Variants in HDAC9 observed in about 807,000 individuals in gnomAD.
The protein encoded by HDAC9 is MEF-2 interacting transcription repressor (MITR) protein.
HDAC9 carries 41 observed loss-of-function variants against 139.4 expected under a neutral mutation model. That is an observed-to-expected ratio of 0.29 (90% confidence interval 0.23 to 0.38). The LOEUF is 0.38. Ranked by LOEUF, HDAC9 falls within the 10% of genes least tolerant of loss-of-function variation. HDAC9 has a pLI of 1.00. For missense variants in HDAC9, 1,147 were observed against 1,297.0 expected, an observed-to-expected ratio of 0.88 and a Z score of 1.78; for synonymous variants, 517 against 476.2, an observed-to-expected ratio of 1.09 and a Z score of -1.12.
chr7:18,377,685 T>G (rs779991061), intron 1 of HDAC9, among the ~76,000 whole-genome samples: 4 of 152,172 alleles, frequency 2.6e-5, no homozygotes, highest in African/African-American at 7.2e-5. Context: ...ATTCTTTCAG[T>G]AAATTGGGTG....
intron 2 of HDAC9, among the ~76,000 whole-genome samples, chr7:18,578,604 T>C (rs1163245281): frequency 1.3e-5 from 2 of 152,190 alleles, no homozygotes; most frequent in South Asian, 2.1e-4. Flanking sequence ...TCTGGCTTTT[T>C]TGGGGACATT....
chr7:18,750,812 C>T (rs771401109), intron 14 of HDAC9, among the ~76,000 whole-genome samples: 9 of 152,162 alleles, frequency 5.9e-5, no homozygotes, highest in Non-Finnish European at 1.2e-4. Flanking sequence ...TGTGAACATT[C>T]CTGTCTCACC....
chr7:18,773,706 A>G (rs1185947655), intron 16 of HDAC9, among the ~76,000 whole-genome samples: 1 of 150,198 alleles, frequency 6.7e-6, no homozygotes, highest in Non-Finnish European at 1.5e-5. Context: ...GACAAAGGAA[A>G]TGGTACTACC....
intron 6 of HDAC9, among the ~76,000 whole-genome samples, chr7:18,599,344 CTG>C (rs1267918007): frequency 1.3e-5 from 2 of 152,146 alleles, no homozygotes; most frequent in Non-Finnish European, 2.9e-5. Flanking sequence ...AAGGTTTACT[CTG>C]TGTTGTAAGA....
At chr7:18,885,864 A>T (rs1800107378) in intron 22 of HDAC9, among the ~76,000 whole-genome samples, 1 of 152,220 alleles carries the variant, frequency 6.6e-6, no homozygotes, top group African/African-American at 2.4e-5. Context: ...ATTTTTCACA[A>T]GAACGAATCA....
chr7:18,584,796 C>T (rs1031186186), intron 2 of HDAC9, among the ~76,000 whole-genome samples: 6 of 152,174 alleles, frequency 3.9e-5, no homozygotes, highest in African/African-American at 7.2e-5. Flanking sequence ...GCTGCAAATA[C>T]GTTATATTAC....
rs578118831 is a variant in HDAC9 at position 18,974,443 on chromosome 7, T to G, written c.3023-1363T>G. 5.3e-5 allele frequency among the ~76,000 whole-genome samples: 8 copies of G among 152,346 alleles called. No individual in the cohort carries two copies. In the East Asian group the frequency reaches 1.5e-3, roughly 29 times the overall value. On this transcript the variant is annotated intron_variant, in intron 24 of 25. Transcript: ENST00000686413. ...TAACAGGGCTGTCTCAACTGGACCA[T>G]GCATTTCTTGGTGTTAGGGAAGCAT... is the stretch of plus-strand genomic sequence containing the variant.
chr7:18,636,343 C>G (rs1275212964), intron 8 of HDAC9, among the ~76,000 whole-genome samples: 2 of 152,088 alleles, frequency 1.3e-5, no homozygotes, highest in Non-Finnish European at 2.9e-5. Context: ...GGCAGATCCT[C>G]TCTCTCAGAT....
chr7:18,412,374 T>C (rs1788650921), intron 1 of HDAC9, among the ~76,000 whole-genome samples: 2 of 152,198 alleles, frequency 1.3e-5, no homozygotes, highest in Non-Finnish European at 2.9e-5. Flanking sequence ...TACGATGGAA[T>C]GTATCAATCA....
chr7:18,485,529 A>G (rs1451532833), intron 1 of HDAC9, among the ~76,000 whole-genome samples: 3 of 151,270 alleles, frequency 2.0e-5, no homozygotes, highest in Non-Finnish European at 4.4e-5. Flanking sequence ...TGATGTTTAT[A>G]GCTGATGTTA....
intron 24 of HDAC9, among the ~76,000 whole-genome samples, chr7:18,967,668 GCA>G (rs1224981250): frequency 6.6e-6 from 1 of 152,022 alleles, no homozygotes; most frequent in Non-Finnish European, 1.5e-5. Flanking sequence ...TACGTATGGA[GCA>G]CACAATTTTT....
At chr7:18,554,496 C>T (rs1288790272) in intron 2 of HDAC9, among the ~76,000 whole-genome samples, 3 of 151,922 alleles carry the variant, frequency 2.0e-5, no homozygotes, top group Admixed American at 6.6e-5. Flanking sequence ...CCACCACGCC[C>T]GGCTAATTTT....
chr7:18,645,854 G>T (rs547132132), intron 9 of HDAC9, among the ~76,000 whole-genome samples: 1 of 152,010 alleles, frequency 6.6e-6, no homozygotes, highest in Non-Finnish European at 1.5e-5. Flanking sequence ...GTTTCAATGC[G>T]TATTTTAAAA....
Position 18,579,809 on chromosome 7 carries a change from A to G in HDAC9, c.23-5472A>G, listed in dbSNP as rs940358331. Among the ~76,000 whole-genome samples, 8 of 142,878 alleles carry G rather than the reference A, an allele frequency of 5.6e-5. No homozygotes were observed. In the South Asian group the frequency reaches 8.7e-4, roughly 16 times the overall value. 93.7% of individuals were successfully genotyped at this position (142,878 alleles called of 152,430 possible). A position where few individuals can be genotyped will look rare whatever the true frequency, so the allele number is the denominator to read the frequency against. On this transcript the variant is annotated intron_variant, in intron 2 of 25. Transcript: ENST00000686413. The stretch of plus-strand genomic sequence containing the variant: ...TCCATGCCTGTGTGTGTGTGTGTGT[A>G]TGTGTGTGTGTGAAAACCTATTATT...
At chr7:18,248,592 T>G (rs546815246) in intron 2 of HDAC9, among the ~76,000 whole-genome samples, 3 of 152,322 alleles carry the variant, frequency 2.0e-5, no homozygotes, top group Admixed American at 2.0e-4. Context: ...TACTCTACTA[T>G]TTCATTTGAT....
intron 16 of HDAC9, among the ~76,000 whole-genome samples, chr7:18,785,611 T>TAC (rs1791648005): frequency 6.6e-6 from 1 of 152,182 alleles, no homozygotes; most frequent in South Asian, 2.1e-4. Context: ...AGGGTTTCAA[T>TAC]ACCGTGAAAG....
chr7:18,830,766 C>G (rs1468291600), intron 19 of HDAC9, among the ~76,000 whole-genome samples: 1 of 152,136 alleles, frequency 6.6e-6, no homozygotes, highest in Non-Finnish European at 1.5e-5. Flanking sequence ...CATGTATTTT[C>G]CATACACGCC....
intron 1 of HDAC9, among the ~76,000 whole-genome samples, chr7:18,424,340 G>A (rs556249176): frequency 1.3e-5 from 2 of 152,132 alleles, no homozygotes; most frequent in East Asian, 3.9e-4. Flanking sequence ...TAAATGTTGG[G>A]GAGTAATTTT....
intron 2 of HDAC9, among the ~76,000 whole-genome samples, chr7:18,202,917 G>T (rs894474746): frequency 2.0e-5 from 3 of 152,176 alleles, no homozygotes; most frequent in African/African-American, 7.2e-5. Flanking sequence ...TTGCTCATCT[G>T]CACAATGGGC....
Sources: gnomAD v4.1 joint callset for allele counts (sites outside exome capture counted in the v4.1 genomes callset) on GRCh38, gnomAD v4.1.1 for gene constraint, MANE v1.5 for transcripts, NCBI Gene and HGNC (gene_info 2026-07-23, HGNC 2026-07-21) for gene names.